Variants in TNS1 observed in about 807,000 individuals in gnomAD.
TNS1 encodes tensin 1, also known as tensin-1.
In TNS1, 62 loss-of-function variants were observed where a neutral mutation model predicts 168.6. That is an observed-to-expected ratio of 0.37 (90% CI 0.30 to 0.45). The LOEUF is 0.45. Among genes scored for constraint, TNS1 ranks in the 20% least tolerant of loss-of-function variants. TNS1 has a pLI of 1.00. For synonymous variants in TNS1, 934 were observed against 933.2 expected (o/e 1.00, Z -0.02); for missense variants, 2,240 against 2,339.4 (o/e 0.96, Z 0.88).
chr2:217,839,854 C>T (rs747397256), intron 19 of TNS1, among the ~76,000 whole-genome samples: 12 of 152,294 alleles, frequency 7.9e-5, no homozygotes, highest in Middle Eastern at 3.4e-3. Context: ...GCTCCAGAAG[C>T]GAGGGGATCC....
At chr2:218,016,141 C>T (rs531518917) in intron 1 of TNS1, among the ~76,000 whole-genome samples, 1 of 152,252 alleles carries the variant, frequency 6.6e-6, no homozygotes, top group East Asian at 1.9e-4. Flanking sequence ...CACCCCCAGC[C>T]GCTCCCACTG....
Position 217,804,487 on chromosome 2 carries a change from A to G in TNS1, c.5492T>C (p.Val1831Ala), listed in dbSNP as rs1559129190. 2 of 1,614,028 alleles carry G rather than the reference A, an allele frequency of 1.2e-6. No homozygotes were observed. Among genetic ancestry groups the G allele is most frequent in the East Asian group, 2.2e-5 (1 of 44,864 alleles). Residue 1831 changes from valine to alanine, a missense_variant, in exon 33 of 33, where the codon GTC (valine) becomes GCC (alanine). Physicochemically the swap from Val to Ala is moderately conservative, Grantham distance 64. Coordinates refer to ENST00000682258, the MANE Select transcript of TNS1 (RefSeq NM_001387777.1). ...ASAIVNFVSKVMLNAGQKR is the reference protein window; with the variant it reads ...ASAIVNFVSKAMLNAGQKR ...TCTCTTTTGGCCGGCATTCAGCATG[A>G]CCTTGGAGACGAAGTTGACGATGGC...
intron 3 of TNS1, among the ~76,000 whole-genome samples, chr2:217,933,734 C>T (rs906513537): frequency 5.3e-5 from 8 of 152,192 alleles, no homozygotes; most frequent in Admixed American, 1.3e-4. Flanking sequence ...CTCACACTTG[C>T]CTGTCCCATC....
chr2:217,914,233 T>C (rs533588832), intron 4 of TNS1, among the ~76,000 whole-genome samples: 502 of 152,322 alleles, frequency 3.3e-3, no homozygotes, highest in Non-Finnish European at 2.5e-3. Flanking sequence ...ATTTCCATAG[T>C]GTGGTTCTCC....
At chr2:217,928,844 G>A (rs1463116727) in intron 3 of TNS1, among the ~76,000 whole-genome samples, 1 of 152,006 alleles carries the variant, frequency 6.6e-6, no homozygotes, top group Non-Finnish European at 1.5e-5. Flanking sequence ...CCAGCCCACT[G>A]CTAGGCTCCC....
At chr2:217,929,244 T>C (rs1447215890) in intron 3 of TNS1, among the ~76,000 whole-genome samples, 1 of 152,050 alleles carries the variant, frequency 6.6e-6, no homozygotes, top group Non-Finnish European at 1.5e-5. Flanking sequence ...GAGATTAGCC[T>C]CCAGACAACC....
intron 2 of TNS1, among the ~76,000 whole-genome samples, chr2:217,984,766 T>C (rs1349059367): frequency 4.6e-5 from 7 of 150,772 alleles, no homozygotes; most frequent in Non-Finnish European, 1.0e-4. Context: ...TTTTTTTTTT[T>C]TCCCCCCAAG....
At chr2:217,842,940 G>T (rs746483122) in intron 19 of TNS1, among the ~76,000 whole-genome samples, 62 of 152,154 alleles carry the variant, frequency 4.1e-4, no homozygotes, top group Non-Finnish European at 6.9e-4. Flanking sequence ...TCAATGGCAC[G>T]TATCACCTAT....
At chr2:217,908,424 G>T (rs932206826) in intron 4 of TNS1, among the ~76,000 whole-genome samples, 6 of 152,206 alleles carry the variant, frequency 3.9e-5, no homozygotes, top group African/African-American at 1.4e-4. Context: ...CAACTGGAAT[G>T]GTTGTGAAGC....
intron 1 of TNS1, among the ~76,000 whole-genome samples, chr2:218,028,959 C>T (rs1175458311): frequency 6.6e-6 from 1 of 152,228 alleles, no homozygotes; most frequent in Non-Finnish European, 1.5e-5. Context: ...TGGCACCAGG[C>T]TCTGTCCCAG....
upstream of TNS1, among the ~76,000 whole-genome samples, chr2:218,005,553 G>C (rs1958650119): frequency 6.6e-6 from 1 of 152,194 alleles, no homozygotes; most frequent in African/African-American, 2.4e-5. Flanking sequence ...GTCTCTAACT[G>C]TGTGTAATGA....
At chr2:217,885,490 T>A (rs1004126746) in intron 15 of TNS1, among the ~76,000 whole-genome samples, 1 of 152,142 alleles carries the variant, frequency 6.6e-6, no homozygotes, top group Non-Finnish European at 1.5e-5. Flanking sequence ...TTGTCACCAA[T>A]AAGAAGCCAG....
intron 19 of TNS1, among the ~76,000 whole-genome samples, chr2:217,836,904 TCGTGTG>T (rs772264734): frequency 8.6e-5 from 13 of 152,010 alleles, no homozygotes; most frequent in Non-Finnish European, 1.6e-4. Flanking sequence ...CAGAGAGAAG[TCGTGTG>T]CTCCATCTGC....
rs112324077 is a variant in TNS1 at position 218,018,301 on chromosome 2, C to T, written c.156+15519G>A. 1.6e-3 allele frequency among the ~76,000 whole-genome samples: 241 copies of T among 152,352 alleles called. 3 individuals carry two copies. The highest frequency in any genetic ancestry group is 4.6e-3 in the African/African-American group (191 of 41,574). ...ACCCTATTATTCCCATACTGTTCCC[C>T]ATGCTCTTCTTCTAAACTCCAAATG... On this transcript the variant is annotated intron_variant, in intron 1 of 1. Transcript: ENST00000649572.
At chr2:217,972,517 A>C (rs1377929035) in intron 3 of TNS1, among the ~76,000 whole-genome samples, 1 of 152,250 alleles carries the variant, frequency 6.6e-6, no homozygotes, top group Non-Finnish European at 1.5e-5. Flanking sequence ...ATGAGATTTA[A>C]GCCCTTTTGG....
chr2:218,012,871 G>A (rs138231226), upstream of TNS1, among the ~76,000 whole-genome samples: 34 of 152,270 alleles, frequency 2.2e-4, no homozygotes, highest in African/African-American at 8.2e-4. Context: ...ATGGGAGTGG[G>A]AGAGTTGGGT....
At chr2:217,810,024 G>A (rs1196942862) in intron 29 of TNS1, 33 bp from the exon 30 acceptor site, 1 of 1,604,536 alleles carries the variant, frequency 6.2e-7, no homozygotes, top group South Asian at 1.1e-5. Context: ...GGAGTCATGG[G>A]AGCTGGCGTG....
At chr2:217,922,690 G>A (rs913940577) in intron 3 of TNS1, among the ~76,000 whole-genome samples, 2 of 152,242 alleles carry the variant, frequency 1.3e-5, no homozygotes, top group Non-Finnish European at 2.9e-5. Flanking sequence ...GCAGTGGACA[G>A]GAGGGGGCCC....
intron 21 of TNS1, among the ~76,000 whole-genome samples, chr2:217,834,335 C>T (rs868822140): frequency 6.6e-6 from 1 of 152,380 alleles, no homozygotes; most frequent in Middle Eastern, 3.4e-3. Context: ...CCCTGAACAG[C>T]ACCAGTGTCT....
Sources: allele counts gnomAD v4.1 joint callset (sites outside exome capture counted in the v4.1 genomes callset), GRCh38; gene constraint gnomAD v4.1.1; transcripts MANE v1.5; gene names NCBI Gene and HGNC (gene_info 2026-07-23, HGNC 2026-07-21).